Variants in NUDT6 observed in about 807,000 individuals in gnomAD.
The protein encoded by NUDT6 is FAD diphosphatase NUDT6.
Under a neutral mutation model 36.8 loss-of-function variants are expected in NUDT6, and 24 were observed. The ratio of observed to expected loss-of-function variants is 0.65; its 90% CI spans 0.47 to 0.92. The LOEUF (loss-of-function observed/expected upper bound fraction) is 0.92. Among genes scored for constraint, NUDT6 ranks in the 40% least tolerant of loss-of-function variants. The pLI, the probability that NUDT6 is intolerant of heterozygous loss-of-function variation, is 0.00. For missense variants in NUDT6, 388 were observed against 392.8 expected (o/e 0.99, Z 0.10); for synonymous variants, 163 against 157.0 (o/e 1.04, Z -0.29).
intron 2 of NUDT6, among the ~76,000 whole-genome samples, chr4:122,912,935 A>C (rs1727759002): frequency 6.6e-6 from 1 of 152,380 alleles, no homozygotes; most frequent in African/African-American, 2.4e-5. Context: ...ATTTTAAATA[A>C]TATTGTGCAT....
intron 1 of NUDT6, chr4:122,920,506 T>C (rs1219625457): frequency 1.3e-5 from 2 of 152,258 alleles, no homozygotes; most frequent in Non-Finnish European, 2.9e-5. Context: ...GATCAACGCA[T>C]CTATCCAGTA....
chr4:122,901,533 C>T (rs1017618212), intron 3 of NUDT6, among the ~76,000 whole-genome samples: 1 of 152,152 alleles, frequency 6.6e-6, no homozygotes, highest in Non-Finnish European at 1.5e-5. Context: ...TGCAATCCTT[C>T]CTTCCCCACT....
Position 122,892,746 on chromosome 4 carries a change from CAG to C in NUDT6, c.*80_*81del. 7.4e-7 allele frequency: 1 copy of C among 1,355,886 alleles called. No individual in the cohort carries two copies. Among genetic ancestry groups the C allele is most frequent in the Non-Finnish European group, 9.9e-7 (1 of 1,008,004 alleles). The allele number at this position is 1,355,886 out of a possible 1,614,324, so 84.0% of individuals were successfully genotyped here. ...ATCATATACATTAGAAAATCACAGT[CAG>C]ATGTTTAATCAATCCAAAATGTCCA... On this transcript the variant is annotated 3_prime_UTR_variant, in exon 5 of 5. Transcript: ENST00000304430.
intron 2 of NUDT6, among the ~76,000 whole-genome samples, chr4:122,916,067 A>C (rs1468177993): frequency 1.3e-5 from 2 of 152,204 alleles, no homozygotes; most frequent in African/African-American, 4.8e-5. Context: ...TAGTTTTTCT[A>C]GAAATCTAAG....
At chr4:122,897,381 C>A in intron 4 of NUDT6, 1 of 474,108 alleles carries the variant, frequency 2.1e-6, no homozygotes, top group Non-Finnish European at 3.8e-6. Flanking sequence ...AATCCAGAAG[C>A]AGTCATAAAC....
chr4:122,897,530 A>T (rs1727399769), intron 4 of NUDT6, 94 bp downstream of exon 4: 9 of 929,720 alleles, frequency 9.7e-6, no homozygotes, highest in Admixed American at 7.7e-5. Context: ...AAATTGGAAA[A>T]TTTAAATTTT....
intron 3 of NUDT6, among the ~76,000 whole-genome samples, chr4:122,900,057 A>ACACCCCCCCCCCCCCCCCCC (rs376050692): frequency 2.3e-5 from 2 of 88,680 alleles, no homozygotes; most frequent in African/African-American, 4.7e-5. Flanking sequence ...CACCCCCGCC[A>ACACCCCCCCCCCCCCCCCCC]CCCCCCCCCC....
intron 3 of NUDT6, among the ~76,000 whole-genome samples, chr4:122,899,972 C>T (rs950415203): frequency 4.6e-5 from 7 of 151,734 alleles, no homozygotes; most frequent in South Asian, 2.1e-4. Flanking sequence ...GCCAGTGCTG[C>T]GGGCATTTAC....
At chr4:122,895,008 C>T (rs1290777705) in intron 4 of NUDT6, 1 of 152,186 alleles carries the variant, frequency 6.6e-6, no homozygotes, top group African/African-American at 2.4e-5. Context: ...GCTCAGCAGT[C>T]ACCATAGCAG....
intron 3 of NUDT6, among the ~76,000 whole-genome samples, chr4:122,911,138 T>C (rs1215768417): frequency 1.3e-5 from 2 of 152,180 alleles, no homozygotes; most frequent in Non-Finnish European, 2.9e-5. Context: ...CCACTCTGGG[T>C]TGAAGCCAAC....
chr4:122,906,263 G>C (rs1411264974), intron 3 of NUDT6, among the ~76,000 whole-genome samples: 1 of 152,104 alleles, frequency 6.6e-6, no homozygotes, highest in African/African-American at 2.4e-5. Flanking sequence ...TTCATATTGT[G>C]CCTTGAATTG....
intron 4 of NUDT6, 185 bp from the exon 5 acceptor site, chr4:122,893,410 G>A (rs1447033909): frequency 2.0e-6 from 1 of 502,086 alleles, no homozygotes; most frequent in Non-Finnish European, 3.3e-6. Context: ...TCTTACCACT[G>A]TAAATTCAAG....
intron 2 of NUDT6, among the ~76,000 whole-genome samples, chr4:122,913,874 AT>A (rs141529575): frequency 0.021 from 3,256 of 152,340 alleles, 60 homozygotes; most frequent in Non-Finnish European, 0.035. Flanking sequence ...TGATTTAAAC[AT>A]TACTTGTATT....
intron 3 of NUDT6, among the ~76,000 whole-genome samples, chr4:122,902,648 G>A (rs560991939): frequency 6.6e-6 from 1 of 152,310 alleles, no homozygotes; most frequent in Admixed American, 6.5e-5. Flanking sequence ...AGCAGAGTAT[G>A]TATAAGAACT....
At chr4:122,902,353 A>C (rs1236276839) in intron 3 of NUDT6, among the ~76,000 whole-genome samples, 1 of 152,138 alleles carries the variant, frequency 6.6e-6, no homozygotes, top group Non-Finnish European at 1.5e-5. Context: ...ACTTATCTCC[A>C]CCTTACATAA....
At chr4:122,913,317 G>A (rs1727767388) in intron 2 of NUDT6, 1 of 152,096 alleles carries the variant, frequency 6.6e-6, no homozygotes, top group Non-Finnish European at 1.5e-5. Flanking sequence ...ATAGTGAAAG[G>A]GGCAAACAAG....
intron 1 of NUDT6, chr4:122,921,176 G>C (rs1009827280): frequency 6.6e-6 from 1 of 152,162 alleles, no homozygotes; most frequent in Non-Finnish European, 1.5e-5. Context: ...ACCGTCCCTG[G>C]TTAATCATAA....
intron 3 of NUDT6, among the ~76,000 whole-genome samples, chr4:122,899,964 C>T (rs1009364128): frequency 6.6e-6 from 1 of 152,018 alleles, no homozygotes; most frequent in Non-Finnish European, 1.5e-5. Flanking sequence ...CCTGACAAGC[C>T]AGTGCTGCGG....
chr4:122,909,999 G>A (rs1727700906), intron 3 of NUDT6, among the ~76,000 whole-genome samples: 1 of 152,168 alleles, frequency 6.6e-6, no homozygotes, highest in Admixed American at 6.5e-5. Flanking sequence ...AAAACACTAA[G>A]AAACATTTCA....
Sources: allele counts gnomAD v4.1 joint callset (sites outside exome capture counted in the v4.1 genomes callset), GRCh38; gene constraint gnomAD v4.1.1; transcripts MANE v1.5; gene names NCBI Gene and HGNC (gene_info 2026-07-23, HGNC 2026-07-21).